The following PSMA8 variants were observed in gnomAD, a reference collection of about 807,000 sequenced individuals.
PSMA8 encodes the protein proteasome subunit alpha-type 8.
A neutral mutation model predicts 32.4 loss-of-function variants in PSMA8; 18 were observed. The observed-to-expected ratio is 0.56, with a 90% confidence interval of 0.38 to 0.82. The LOEUF (loss-of-function observed/expected upper bound fraction) is 0.82. Ranked by LOEUF, PSMA8 falls within the 40% of genes least tolerant of loss-of-function variation. The probability of loss-of-function intolerance (pLI) is 0.00; values close to 1 mark genes in which losing one functional copy is unlikely to be tolerated. For synonymous variants in PSMA8, 104 were observed against 98.1 expected, an observed-to-expected ratio of 1.06 and a Z score of -0.36; for missense variants, 298 against 300.7, an observed-to-expected ratio of 0.99 and a Z score of 0.07.
chr18:26,146,818 C>T lies in PSMA8; in HGVS notation c.229+2133C>T, dbSNP rs1459474767. On this transcript the variant is annotated intron_variant, in intron 2 of 6. Coordinates refer to ENST00000415576, the MANE Select transcript of PSMA8 (RefSeq NM_001025096.2). ...CACCTGAAAAACAACAACAACAAAA[C>T]AGAAATACCTGAGACTGGGTAACTT... Among the ~76,000 whole-genome samples the T allele has an allele frequency of 3.9e-5, 6 of 152,180 alleles. No homozygotes were observed. In the South Asian group the frequency reaches 1.2e-3, roughly 32 times the overall value.
intron 4 of PSMA8, among the ~76,000 whole-genome samples, chr18:26,167,608 A>C (rs1188804370): frequency 6.6e-6 from 1 of 152,206 alleles, no homozygotes; most frequent in Non-Finnish European, 1.5e-5. Flanking sequence ...ATTCCATAGG[A>C]TCGATGTCCT....
chr18:26,160,427 T>C (rs1393500460), intron 4 of PSMA8, among the ~76,000 whole-genome samples: 3 of 152,366 alleles, frequency 2.0e-5, no homozygotes, highest in East Asian at 3.8e-4. Context: ...CAGATTATTT[T>C]CTCTGCATGT....
intron 3 of PSMA8, among the ~76,000 whole-genome samples, chr18:26,155,540 G>A (rs1035519742): frequency 9.2e-5 from 14 of 152,130 alleles, no homozygotes; most frequent in Middle Eastern, 3.2e-3. Context: ...TGTCAGAAAC[G>A]TACATTGGAG....
intron 6 of PSMA8, among the ~76,000 whole-genome samples, chr18:26,181,682 C>A (rs958753498): frequency 6.6e-6 from 1 of 152,174 alleles, no homozygotes; most frequent in African/African-American, 2.4e-5. Flanking sequence ...CAAGGGAACA[C>A]GTGAATGATA....
chr18:26,175,390 G>A (rs1024390175), intron 4 of PSMA8, among the ~76,000 whole-genome samples: 2 of 152,192 alleles, frequency 1.3e-5, no homozygotes, highest in African/African-American at 4.8e-5. Context: ...CATTGTAGTC[G>A]CAATAAAGGC....
At chr18:26,141,039 A>T (rs142756235) in intron 1 of PSMA8, among the ~76,000 whole-genome samples, 301 of 151,994 alleles carry the variant, frequency 2.0e-3, no homozygotes, top group South Asian at 2.9e-3. Context: ...TATTTCTTTC[A>T]CTCTATCCCT....
intron 6 of PSMA8, among the ~76,000 whole-genome samples, chr18:26,191,856 C>A (rs554221067): frequency 2.9e-4 from 44 of 152,280 alleles, no homozygotes; most frequent in Non-Finnish European, 5.1e-4. Context: ...AAAAATAAAA[C>A]CTTTTTTGCT....
At chr18:26,162,635 G>A (rs1357024354) in intron 4 of PSMA8, among the ~76,000 whole-genome samples, 1 of 152,104 alleles carries the variant, frequency 6.6e-6, no homozygotes, top group Non-Finnish European at 1.5e-5. Context: ...GGAGGCCGAG[G>A]TGGGCAGATC....
At chr18:26,185,838 A>G (rs2055348262) in intron 6 of PSMA8, among the ~76,000 whole-genome samples, 1 of 150,696 alleles carries the variant, frequency 6.6e-6, no homozygotes, top group Non-Finnish European at 1.5e-5. Context: ...ATCTTGAATA[A>G]CTTATTTGTT....
chr18:26,160,781 GA>G (rs2055129202), intron 4 of PSMA8, among the ~76,000 whole-genome samples: 1 of 152,240 alleles, frequency 6.6e-6, no homozygotes, highest in Admixed American at 6.5e-5. Context: ...GCCTGTTGCA[GA>G]AATGAGAATA....
At chr18:26,181,716 G>T (rs1278079954) in intron 6 of PSMA8, among the ~76,000 whole-genome samples, 5 of 152,222 alleles carry the variant, frequency 3.3e-5, no homozygotes, top group Admixed American at 3.3e-4. Context: ...GCCAGGCCAG[G>T]CGTGGTGGCA....
intron 1 of PSMA8, among the ~76,000 whole-genome samples, chr18:26,135,213 T>C (rs1315019628): frequency 6.6e-6 from 1 of 152,170 alleles, no homozygotes; most frequent in Admixed American, 6.5e-5. Context: ...AGGACAAAAG[T>C]GCCCTAGTGA....
intron 2 of PSMA8, among the ~76,000 whole-genome samples, chr18:26,150,529 G>A (rs535963615): frequency 3.3e-4 from 50 of 152,042 alleles, no homozygotes; most frequent in African/African-American, 9.2e-4. Context: ...TGTAGAAACC[G>A]GGGTCTCTCT....
chr18:26,143,257 A>T (rs1273297234), intron 1 of PSMA8, among the ~76,000 whole-genome samples: 2 of 152,118 alleles, frequency 1.3e-5, no homozygotes, highest in African/African-American at 4.8e-5. Flanking sequence ...CATGTACTCC[A>T]ATTTCCTCCA....
intron 1 of PSMA8, among the ~76,000 whole-genome samples, chr18:26,134,957 GAA>G (rs71169817): frequency 1.3e-4 from 18 of 141,296 alleles, no homozygotes; most frequent in East Asian, 4.1e-4. Context: ...TCCGTCTCGG[GAA>G]AAAAAAAAAA....
At chr18:26,158,636 A>G (rs1423513984) in intron 4 of PSMA8, among the ~76,000 whole-genome samples, 1 of 152,214 alleles carries the variant, frequency 6.6e-6, no homozygotes, top group African/African-American at 2.4e-5. Flanking sequence ...CATCTTCTCC[A>G]TTCTAGGAGA....
intron 3 of PSMA8, among the ~76,000 whole-genome samples, chr18:26,153,528 A>G (rs1326658844): frequency 1.3e-5 from 2 of 152,220 alleles, no homozygotes; most frequent in Non-Finnish European, 2.9e-5. Context: ...GCAAATAAGT[A>G]TCACACAGTA....
intron 1 of PSMA8, among the ~76,000 whole-genome samples, chr18:26,135,667 T>C (rs1479075020): frequency 6.6e-6 from 1 of 152,146 alleles, no homozygotes; most frequent in Non-Finnish European, 1.5e-5. Flanking sequence ...TAGAAACTAA[T>C]GGCCAAGTTT....
chr18:26,171,238 T>C, intron 4 of PSMA8: 1 of 1,557,822 alleles, frequency 6.4e-7, no homozygotes, highest in Non-Finnish European at 8.5e-7. Context: ...TTCTTGCCGA[T>C]GCCCATGTTC....
Sources: gnomAD v4.1 joint callset for allele counts (sites outside exome capture counted in the v4.1 genomes callset) on GRCh38, gnomAD v4.1.1 for gene constraint, MANE v1.5 for transcripts, NCBI Gene and HGNC (gene_info 2026-07-23, HGNC 2026-07-21) for gene names.